Variants in NETO1 observed in about 807,000 individuals in gnomAD.
NETO1 encodes the protein neuropilin and tolloid like 1.
NETO1 carries 26 observed loss-of-function variants against 61.3 expected under a neutral mutation model. The ratio of observed to expected loss-of-function variants is 0.42; its 90% CI spans 0.31 to 0.59. The LOEUF is 0.59. NETO1 is among the 20% of genes least tolerant of loss of function. The pLI is 0.12. For missense variants in NETO1, 531 were observed against 662.8 expected (o/e 0.80, Z 2.18); for synonymous variants, 225 against 225.8 (o/e 1.00, Z 0.03).
intron 4 of NETO1, among the ~76,000 whole-genome samples, chr18:72,828,097 G>T (rs1841950968): frequency 6.6e-6 from 1 of 152,204 alleles, no homozygotes; most frequent in African/African-American, 2.4e-5. Context: ...CGGATCACCT[G>T]AGCTCAGGAG....
intron 10 of NETO1, 142 bp downstream of exon 10, chr18:72,748,872 C>T (rs988425477): frequency 1.3e-5 from 9 of 669,318 alleles, no homozygotes; most frequent in Middle Eastern, 2.4e-4. Context: ...CTGAACCCAT[C>T]GTATTTCTAA....
At chr18:72,783,377 T>A (rs1041374745) in intron 7 of NETO1, among the ~76,000 whole-genome samples, 1 of 152,218 alleles carries the variant, frequency 6.6e-6, no homozygotes, top group Non-Finnish European at 1.5e-5. Context: ...CTGCATCAGT[T>A]CCACAGGCTT....
intron 4 of NETO1, among the ~76,000 whole-genome samples, chr18:72,823,575 C>CG (rs1275870598): frequency 1.3e-5 from 2 of 151,886 alleles, no homozygotes; most frequent in Admixed American, 6.6e-5. Context: ...TGTGAGAAGA[C>CG]GGGAGTTAAA....
At chr18:72,854,369 C>G (rs193114448) in intron 4 of NETO1, among the ~76,000 whole-genome samples, 3 of 152,288 alleles carry the variant, frequency 2.0e-5, no homozygotes, top group African/African-American at 7.2e-5. Context: ...TAACTTTGTT[C>G]CTTAAAACTA....
At chr18:72,853,782 T>C (rs1164088325) in intron 4 of NETO1, among the ~76,000 whole-genome samples, 1 of 151,964 alleles carries the variant, frequency 6.6e-6, no homozygotes, top group Non-Finnish European at 1.5e-5. Context: ...AGTCTTCTTT[T>C]AATCTCAGCC....
intron 7 of NETO1, among the ~76,000 whole-genome samples, chr18:72,757,990 TA>T (rs1281488972): frequency 6.6e-6 from 1 of 152,210 alleles, no homozygotes; most frequent in African/African-American, 2.4e-5. Context: ...GAAATACCTT[TA>T]AAAATTATAT....
intron 4 of NETO1, among the ~76,000 whole-genome samples, chr18:72,818,722 G>A (rs2073099853): frequency 6.6e-6 from 1 of 151,792 alleles, no homozygotes; most frequent in African/African-American, 2.4e-5. Context: ...AATCTTTCTT[G>A]GGGAAAAATA....
chr18:72,830,319 C>G lies in NETO1; in HGVS notation c.469+28507G>C, dbSNP rs1394455604. 1.3e-5 allele frequency among the ~76,000 whole-genome samples: 2 copies of G among 152,130 alleles called. No homozygotes were observed. Among genetic ancestry groups the G allele is most frequent in the Non-Finnish European group, 2.9e-5 (2 of 68,018 alleles). On this transcript the variant is annotated intron_variant, in intron 4 of 10. Transcript: ENST00000327305. The surrounding 1 kb of genome is among the most constrained non-coding windows in gnomAD (Gnocchi z 4.9). ...AGGCTGTTGAGGCTGCAGCCACACA[C>G]TCAGCACCCTGGACAGCGTCCAAAC...
Position 72,774,002 on chromosome 18 carries a change from T to C in NETO1, c.868+9676A>G, listed in dbSNP as rs1383624245. ...AGACTTGATAGTCTTTTGTCACGAG[T>C]TAACATAAAACTAAATGCATTATCT... On this transcript the variant is annotated intron_variant, in intron 7 of 10. Transcript: ENST00000327305. Among the ~76,000 whole-genome samples the C allele has an allele frequency of 2.0e-5, 3 of 152,072 alleles. No individual in the cohort carries two copies. In the East Asian group the frequency reaches 5.8e-4, roughly 29 times the overall value.
At chr18:72,821,480 G>A (rs1461674935) in intron 4 of NETO1, among the ~76,000 whole-genome samples, 11 of 149,604 alleles carry the variant, frequency 7.4e-5, no homozygotes, top group Non-Finnish European at 1.5e-4. Context: ...CAGGAGAATC[G>A]CTTGAACCTA....
rs1341541078 is a variant in NETO1 at position 72,748,685 on chromosome 18, G to GT, written c.*14+328dup. Among the ~76,000 whole-genome samples, 3 of 151,888 alleles carry GT rather than the reference G, an allele frequency of 2.0e-5. No individual in the cohort carries two copies. The South Asian group carries it at 6.2e-4, about 32-fold the overall frequency. ...CTATTTTCTTAGTTTAAAAACCTTG[G>GT]TTTTTTTCGAGTATTTCTTTGGAGA... On this transcript the variant is annotated intron_variant, in intron 10 of 10. Coordinates refer to ENST00000327305, the MANE Select transcript of NETO1 (RefSeq NM_138966.5).
intron 4 of NETO1, among the ~76,000 whole-genome samples, chr18:72,821,362 G>A (rs1167211311): frequency 6.6e-6 from 1 of 150,764 alleles, no homozygotes; most frequent in East Asian, 1.9e-4. Flanking sequence ...GACCAACACG[G>A]AGAAACCCCA....
chr18:72,836,345 G>T (rs1370326468), intron 4 of NETO1, among the ~76,000 whole-genome samples: 1 of 152,086 alleles, frequency 6.6e-6, no homozygotes, highest in Non-Finnish European at 1.5e-5. Context: ...TCATAAGTTA[G>T]TTCAGGTACA....
At chr18:72,856,174 C>G (rs1341963195) in intron 4 of NETO1, among the ~76,000 whole-genome samples, 1 of 152,016 alleles carries the variant, frequency 6.6e-6, no homozygotes, top group Non-Finnish European at 1.5e-5. Context: ...CATCTAGATT[C>G]CAGATTGTGA....
chr18:72,801,687 C>G (rs1054287487), intron 4 of NETO1, among the ~76,000 whole-genome samples: 3 of 152,160 alleles, frequency 2.0e-5, no homozygotes, highest in Non-Finnish European at 2.9e-5. Flanking sequence ...CACAGAAGCA[C>G]AGCAAGAATT....
chr18:72,828,581 G>A (rs1297350655), intron 4 of NETO1, among the ~76,000 whole-genome samples: 1 of 152,146 alleles, frequency 6.6e-6, no homozygotes, highest in Non-Finnish European at 1.5e-5. Context: ...AGAAATAGTA[G>A]CTACATTTTT....
At chr18:72,865,154 G>A in intron 2 of NETO1, 34 bp downstream of exon 2, 1 of 1,589,162 alleles carries the variant, frequency 6.3e-7, no homozygotes, top group African/African-American at 1.3e-5. Flanking sequence ...AATAATTCGA[G>A]GTCTTCCACT....
chr18:72,748,398 G>T, intron 10 of NETO1: 1 of 552,244 alleles, frequency 1.8e-6, no homozygotes, highest in Non-Finnish European at 2.3e-6. Context: ...GATATCTGAT[G>T]ACAAAATCGA....
chr18:72,844,737 G>A (rs143945082), intron 4 of NETO1, among the ~76,000 whole-genome samples: 1 of 151,600 alleles, frequency 6.6e-6, no homozygotes, highest in African/African-American at 2.4e-5. Flanking sequence ...ATGAGGCACT[G>A]GAAATTTAAA....
Sources: gnomAD v4.1 joint callset for allele counts (sites outside exome capture counted in the v4.1 genomes callset) on GRCh38, gnomAD v4.1.1 for gene constraint, Gnocchi (gnomAD v3.1) non-coding constraint, MANE v1.5 for transcripts, NCBI Gene and HGNC (gene_info 2026-07-23, HGNC 2026-07-21) for gene names.